Variants in THRAP3 observed in about 807,000 individuals in gnomAD.
THRAP3 encodes the protein thyroid hormone receptor-associated protein 3.
A neutral mutation model predicts 101.0 loss-of-function variants in THRAP3; 16 were observed. The ratio of observed to expected loss-of-function variants is 0.16; its 90% CI spans 0.11 to 0.24. The LOEUF (loss-of-function observed/expected upper bound fraction) is 0.24. THRAP3 is among the 10% of genes least tolerant of loss of function. The pLI is 1.00. For missense variants in THRAP3, 989 were observed against 1,202.7 expected, an observed-to-expected ratio of 0.82 and a Z score of 2.63; for synonymous variants, 407 against 422.6, an observed-to-expected ratio of 0.96 and a Z score of 0.45.
upstream of THRAP3, among the ~76,000 whole-genome samples, chr1:36,219,850 T>G (rs768539972): frequency 3.3e-5 from 5 of 152,168 alleles, no homozygotes; most frequent in Non-Finnish European, 7.4e-5. Context: ...GACAGACTGA[T>G]TCTCTTTTTT....
chr1:36,221,455 T>G (rs1041139310), upstream of THRAP3, among the ~76,000 whole-genome samples: 59 of 151,782 alleles, frequency 3.9e-4, no homozygotes, highest in African/African-American at 1.4e-3. Flanking sequence ...CAAACTTCAT[T>G]GCTCTCTTAT....
At chr1:36,215,845 G>A in the THRAP3 span, among the ~76,000 whole-genome samples, 4 of 152,026 alleles carry the variant, frequency 2.6e-5, no homozygotes, top group Non-Finnish European at 4.4e-5. Flanking sequence ...TGCCTCCCGG[G>A]TTCAAGTGAT....
At chr1:36,240,812 GATA>G (rs1287258472) in intron 1 of THRAP3, among the ~76,000 whole-genome samples, 3 of 152,040 alleles carry the variant, frequency 2.0e-5, no homozygotes, top group Admixed American at 1.3e-4. Flanking sequence ...CATAATTTGT[GATA>G]ATATTTATTT....
chr1:36,227,416 G>A (rs928791903), intron 1 of THRAP3, among the ~76,000 whole-genome samples: 1 of 151,950 alleles, frequency 6.6e-6, no homozygotes, highest in African/African-American at 2.4e-5. Context: ...CCAAGTAGCT[G>A]GGATTACAGG....
the THRAP3 span, among the ~76,000 whole-genome samples, chr1:36,214,336 C>A: frequency 2.6e-5 from 4 of 152,188 alleles, no homozygotes; most frequent in Non-Finnish European, 5.9e-5. Flanking sequence ...ACTTTGACTC[C>A]TGCCCTTTCT....
chr1:36,246,745 G>A (rs950275700), intron 1 of THRAP3, among the ~76,000 whole-genome samples: 1 of 151,996 alleles, frequency 6.6e-6, no homozygotes, highest in African/African-American at 2.4e-5. Flanking sequence ...GGGAGGCTGA[G>A]GCAGGAGAAT....
intron 1 of THRAP3, among the ~76,000 whole-genome samples, chr1:36,232,432 A>G (rs919583007): frequency 1.3e-5 from 2 of 152,152 alleles, no homozygotes; most frequent in East Asian, 1.9e-4. Context: ...TGACTCCTCT[A>G]TAATAGTACT....
intron 8 of THRAP3, among the ~76,000 whole-genome samples, chr1:36,295,332 T>C (rs1645931848): frequency 6.6e-6 from 1 of 152,164 alleles, no homozygotes; most frequent in Non-Finnish European, 1.5e-5. Context: ...AAACTATTAA[T>C]GCAGAATGAA....
At chr1:36,299,557 A>G (rs1053942120) in intron 9 of THRAP3, among the ~76,000 whole-genome samples, 2 of 150,894 alleles carry the variant, frequency 1.3e-5, no homozygotes, top group Non-Finnish European at 3.0e-5. Flanking sequence ...CTGGAGTGCA[A>G]TGATATGATC....
At chr1:36,228,647 G>T (rs980638751) in intron 1 of THRAP3, among the ~76,000 whole-genome samples, 2 of 152,188 alleles carry the variant, frequency 1.3e-5, no homozygotes, top group African/African-American at 2.4e-5. Flanking sequence ...GAGCCACCAC[G>T]CACAGCCTGC....
At chr1:36,287,893 T>C (rs1273238017) in intron 4 of THRAP3, 1 of 985,138 alleles carries the variant, frequency 1.0e-6, no homozygotes, top group Admixed American at 6.2e-5. Flanking sequence ...CATGAATCTT[T>C]GTTTGTATGG....
intron 2 of THRAP3, among the ~76,000 whole-genome samples, chr1:36,271,290 T>G (rs1176790955): frequency 6.6e-6 from 1 of 152,216 alleles, no homozygotes; most frequent in Non-Finnish European, 1.5e-5. Context: ...AGGCAAATTT[T>G]TTTTTCCCCC....
intron 10 of THRAP3, 57 bp downstream of exon 10, chr1:36,301,141 C>T (rs1054298597): frequency 2.6e-6 from 4 of 1,530,214 alleles, no homozygotes; most frequent in African/African-American, 1.4e-5. Context: ...CAGCTTTGAT[C>T]ACGTTTCATC....
At chr1:36,245,231 A>G (rs1304100875) in intron 1 of THRAP3, among the ~76,000 whole-genome samples, 3 of 151,034 alleles carry the variant, frequency 2.0e-5, no homozygotes, top group Non-Finnish European at 4.4e-5. Context: ...CACTGGCACA[A>G]TCTTGGTTCA....
At chr1:36,232,038 G>A (rs1420590135) in intron 1 of THRAP3, among the ~76,000 whole-genome samples, 1 of 151,924 alleles carries the variant, frequency 6.6e-6, no homozygotes, top group African/African-American at 2.4e-5. Context: ...CCAACATGGC[G>A]AAACCCATCT....
chr1:36,207,877 C>T, the THRAP3 span, among the ~76,000 whole-genome samples: 2 of 152,162 alleles, frequency 1.3e-5, no homozygotes, highest in African/African-American at 4.8e-5. Context: ...ACTGCAACCT[C>T]AGCCTCCCGG....
Position 36,291,559 on chromosome 1 carries a change from C to T in THRAP3, c.1918+13C>T. ...CACCATGTTAAAGGTGAGTCCAGACCCTGGCCTGCTTCAGGCTCGTGTTCC... is the reference window on the plus strand; with the variant it reads ...CACCATGTTAAAGGTGAGTCCAGACTCTGGCCTGCTTCAGGCTCGTGTTCC... On this transcript the variant is annotated intron_variant, in intron 6 of 11. Coordinates refer to ENST00000354618, the MANE Select transcript of THRAP3 (RefSeq NM_005119.4). 1 of 1,611,300 alleles carries T rather than the reference C, an allele frequency of 6.2e-7. No homozygotes were observed. The highest frequency in any genetic ancestry group is 8.5e-7 in the Non-Finnish European group (1 of 1,177,780).
intron 7 of THRAP3, among the ~76,000 whole-genome samples, chr1:36,293,051 T>TTTTTTTTTTTTAC (rs1645898153): frequency 8.0e-6 from 1 of 125,782 alleles, no homozygotes; most frequent in African/African-American, 3.0e-5. Flanking sequence ...TTTTTTGAGA[T>TTTTTTTTTTTTAC]GGAGTGTTGC....
chr1:36,295,237 GAA>G (rs1314084478), intron 8 of THRAP3, among the ~76,000 whole-genome samples: 1 of 117,152 alleles, frequency 8.5e-6, no homozygotes. Flanking sequence ...AAAAAAAAAG[GAA>G]AAAAAAAAAA....
Sources: gnomAD v4.1 joint callset for allele counts (sites outside exome capture counted in the v4.1 genomes callset) on GRCh38, gnomAD v4.1.1 for gene constraint, MANE v1.5 for transcripts, NCBI Gene and HGNC (gene_info 2026-07-23, HGNC 2026-07-21) for gene names.